Variants in OTOG observed in about 807,000 individuals in gnomAD.
OTOG encodes the protein otogelin.
A neutral mutation model predicts 313.8 loss-of-function variants in OTOG; 296 were observed. The ratio of observed to expected loss-of-function variants is 0.94; its 90% CI spans 0.86 to 1.04. OTOG has a LOEUF of 1.04. OTOG is among the 50% of genes least tolerant of loss of function. OTOG has a pLI of 0.00. For missense variants in OTOG, 3,948 were observed against 3,840.1 expected, an observed-to-expected ratio of 1.03 and a Z score of -0.74; for synonymous variants, 1,533 against 1,554.9, an observed-to-expected ratio of 0.99 and a Z score of 0.33.
intron 42 of OTOG, 65 bp from the exon 43 acceptor site, chr11:17,633,615 C>A: frequency 7.1e-7 from 1 of 1,411,512 alleles, no homozygotes; most frequent in Admixed American, 2.6e-5. Context: ...CCTGTTCTTT[C>A]GGCCCTCAGT....
chr11:17,563,854 GTT>G (rs61373849), intron 15 of OTOG, among the ~76,000 whole-genome samples: 38 of 106,612 alleles, frequency 3.6e-4, no homozygotes, highest in African/African-American at 8.8e-4. Flanking sequence ...CTAGTTTTTG[GTT>G]TTTTTTTTTT....
intron 39 of OTOG, among the ~76,000 whole-genome samples, chr11:17,621,544 T>C (rs538861336): frequency 5.3e-5 from 8 of 152,154 alleles, no homozygotes; most frequent in African/African-American, 1.9e-4. Flanking sequence ...CAGCTGAAAA[T>C]TCAGGACAGG....
rs371080028 is a variant in OTOG at position 17,619,308 on chromosome 11, A to G, written c.6528+5607A>G. Among the ~76,000 whole-genome samples the G allele has an allele frequency of 1.3e-5, 2 of 152,128 alleles. 1 individual carries two copies. Among genetic ancestry groups the G allele is most frequent in the Admixed American group, 1.3e-4 (2 of 15,270 alleles). ...AAACAAATAAAAGTGGGACTTTTGC[A>G]GGGGGTAAATAGTTGAGCCTTCAGT... On this transcript the variant is annotated intron_variant, in intron 39 of 55. Transcript: ENST00000399397.
Position 17,641,867 on chromosome 11 carries a change from G to A in OTOG, c.8211G>A (p.Pro2737=), listed in dbSNP as rs1159303575. 2.6e-6 allele frequency: 4 copies of A among 1,550,160 alleles called. No homozygotes were observed. The highest frequency in any genetic ancestry group is 1.7e-4 in the Middle Eastern group (1 of 5,990). The change falls in exon 52 of 56, where the codon CCG becomes CCA. Residue 2737 remains proline (P), a synonymous_variant. Transcript: ENST00000399397. ...TGTAGAACCAGGAGTACGAGCACCC[G>A]CGGGACCTCGCTGCCTGCTGCGGCT... ...HCEANQEYEH[P]RDLAACCGSC...
intron 39 of OTOG, 110 bp downstream of exon 39, chr11:17,613,811 G>A: frequency 1.2e-6 from 1 of 840,864 alleles, no homozygotes; most frequent in Non-Finnish European, 1.9e-6. Flanking sequence ...GGGCAGGGGT[G>A]GGGAGGGGAC....
chr11:17,573,988 G>C (rs1406297778), intron 19 of OTOG, among the ~76,000 whole-genome samples: 2 of 152,222 alleles, frequency 1.3e-5, no homozygotes, highest in African/African-American at 2.4e-5. Flanking sequence ...TACCATAGGA[G>C]CTTTCAAAAG....
rs1201382021 is a variant in OTOG at position 17,594,237 on chromosome 11, AAGGTC to A, written c.3408+75_3408+79del. ...GCGCTGCCAGCACTGAACCCGGCCC[AAGGTC>A]AGGGAAGAGGGATGCTGGTGTGAGG... On this transcript the variant is annotated intron_variant, in intron 28 of 55. Transcript: ENST00000399397. 8.5e-6 allele frequency: 13 copies of A among 1,530,800 alleles called. No homozygotes were observed. The African/African-American group carries it at 1.8e-4, about 21-fold the overall frequency. The allele number at this position is 1,530,800 out of a possible 1,614,324, so 94.8% of individuals were successfully genotyped here.
chr11:17,621,145 T>C (rs1164135910), intron 39 of OTOG, among the ~76,000 whole-genome samples: 1 of 152,210 alleles, frequency 6.6e-6, no homozygotes, highest in Non-Finnish European at 1.5e-5. Flanking sequence ...CCTGACAATG[T>C]TTTTAAATTG....
At chr11:17,619,176 T>A (rs1003229843) in intron 39 of OTOG, among the ~76,000 whole-genome samples, 5 of 151,904 alleles carry the variant, frequency 3.3e-5, no homozygotes, top group Non-Finnish European at 7.4e-5. Flanking sequence ...GAGGCTGAGG[T>A]GGGAGAATCA....
At chr11:17,547,557 G>C in intron 1 of OTOG, 91 bp downstream of exon 1, 1 of 1,273,064 alleles carries the variant, frequency 7.9e-7, no homozygotes, top group Non-Finnish European at 9.9e-7. Flanking sequence ...GTTGGAGAGA[G>C]GGAGGAAAGA....
At position 17,553,504 on chromosome 11, in the gene OTOG, G is replaced by C. The variant is rs1317683920; in HGVS notation, c.525G>C (p.Gln175His). ...TGGGTCGCCATGAGCCCGAGGGACA[G>C]AGCTTCTCCATCCAGGTGAGGCCTC... ...TLVGRHEPEG[Q>H]SFSIQVHNDP... Residue 175 changes from glutamine to histidine, a missense_variant, in exon 6 of 56, where the codon CAG becomes CAC. Coordinates refer to ENST00000399397, the MANE Select transcript of OTOG (RefSeq NM_001292063.2). The C allele has an allele frequency of 1.4e-6, 2 of 1,443,144 alleles. No homozygotes were observed. Among genetic ancestry groups the C allele is most frequent in the African/African-American group, 1.4e-5 (1 of 69,608 alleles). 89.4% of individuals were successfully genotyped at this position (1,443,144 alleles called of 1,614,324 possible).
chr11:17,637,001 T>C (rs1408203128), intron 47 of OTOG, among the ~76,000 whole-genome samples: 2 of 152,208 alleles, frequency 1.3e-5, no homozygotes, highest in African/African-American at 2.4e-5. Context: ...GTTGATATTA[T>C]CACTTTCTCC....
chr11:17,573,224 C>A lies in OTOG; in HGVS notation c.2227C>A (p.His743Asn). ...GQPCLCATLAHYAHLCRRHGL... is the reference protein window; with the variant it reads ...GQPCLCATLANYAHLCRRHGL... ...GCCCTGCCTGTGCGCCACACTGGCCCACTACGCCCACCTGTGCCGGCGCCA... is the reference window on the plus strand; with the variant it reads ...GCCCTGCCTGTGCGCCACACTGGCCAACTACGCCCACCTGTGCCGGCGCCA... Residue 743 changes from histidine to asparagine, a missense_variant, in exon 19 of 56, where the codon CAC (histidine) becomes AAC (asparagine). By Grantham distance (68) the His-to-Asn change is moderately conservative. Coordinates refer to ENST00000399397, the MANE Select transcript of OTOG (RefSeq NM_001292063.2). The A allele has an allele frequency of 6.5e-7, 1 of 1,536,288 alleles. No homozygotes were observed.
intron 40 of OTOG, 35 bp from the exon 41 acceptor site, chr11:17,631,666 TG>T: frequency 6.7e-7 from 1 of 1,499,984 alleles, no homozygotes; most frequent in Non-Finnish European, 9.1e-7. Context: ...GTGGTAGTGA[TG>T]ATCGTGGCTG....
In OTOG at chr11:17,569,255, G is replaced by T; in HGVS notation, c.1744G>T (p.Asp582Tyr). 6.4e-7 allele frequency: 1 copy of T among 1,550,590 alleles called. No homozygotes were observed. The highest frequency in any genetic ancestry group is 8.7e-7 in the Non-Finnish European group (1 of 1,147,018). The change falls in exon 16 of 56, where the codon GAC becomes TAC. Residue 582 changes from aspartate (D) to tyrosine (Y), a missense_variant. By Grantham distance (160) the Asp-to-Tyr change is radical. Coordinates refer to ENST00000399397, the MANE Select transcript of OTOG (RefSeq NM_001292063.2). ...LTQAGDVLLF[D>Y]QYKIIPPYTD... is the part of the protein sequence containing the mutation. Reference sequence around the variant, plus strand: ...CCAGGCAGGGGATGTCCTTCTGTTTGACCAGTACAAGATCATCCCGCCATA... The same window carrying T: ...CCAGGCAGGGGATGTCCTTCTGTTTTACCAGTACAAGATCATCCCGCCATA...
intron 3 of OTOG, among the ~76,000 whole-genome samples, chr11:17,550,528 G>T (rs1851910074): frequency 6.6e-6 from 1 of 152,200 alleles, no homozygotes; most frequent in Admixed American, 6.5e-5. Context: ...CAAGATTTAA[G>T]AAATCCTTTA....
At chr11:17,643,962 C>T (rs944490167) in intron 54 of OTOG, among the ~76,000 whole-genome samples, 3 of 152,348 alleles carry the variant, frequency 2.0e-5, no homozygotes, top group Admixed American at 6.5e-5. Context: ...GGGTTAGTGT[C>T]CACTGTCGCC....
At position 17,609,927 on chromosome 11, in the gene OTOG, G is replaced by A. The variant is rs545740473; in HGVS notation, c.4627G>A (p.Ala1543Thr). 906 of 1,528,824 alleles carry A rather than the reference G, an allele frequency of 5.9e-4. 5 individuals are homozygous for A. The African/African-American group carries it at 0.011, about 19-fold the overall frequency. 94.7% of individuals were successfully genotyped at this position (1,528,824 alleles called of 1,614,324 possible). A position where few individuals can be genotyped will look rare whatever the true frequency, so the allele number is the denominator to read the frequency against. ...GGAGCTCACTGCATCTCAACTCCCC[G>A]CCGGCCCCACGGAGTCCCCAGCCAG... ...PLELTASQLP[A>T]GPTESPASKG... The change falls in exon 36 of 56, where the codon GCC becomes ACC. Residue 1543 changes from alanine to threonine, a missense_variant. Ala to Thr is a moderately conservative substitution (Grantham distance 58). Coordinates refer to ENST00000399397, the MANE Select transcript of OTOG (RefSeq NM_001292063.2).
intron 39 of OTOG, among the ~76,000 whole-genome samples, chr11:17,626,387 G>A (rs907516639): frequency 3.3e-5 from 5 of 152,146 alleles, no homozygotes; most frequent in African/African-American, 9.7e-5. Context: ...TGTTGGCCAG[G>A]CTGGTCTCAA....
Sources: allele counts gnomAD v4.1 joint callset (sites outside exome capture counted in the v4.1 genomes callset), GRCh38; gene constraint gnomAD v4.1.1; transcripts MANE v1.5; gene names NCBI Gene and HGNC (gene_info 2026-07-23, HGNC 2026-07-21).